ZNF385A: variants seen among roughly 807,000 people sequenced by gnomAD.
The protein encoded by ZNF385A is hematopoietic zinc finger protein.
In ZNF385A, 14 loss-of-function variants were observed where a neutral mutation model predicts 32.1. That is an observed-to-expected ratio of 0.44 (90% CI 0.29 to 0.68). The LOEUF (loss-of-function observed/expected upper bound fraction) is 0.68, where lower values mean the gene tolerates loss of function less well. ZNF385A is among the 30% of genes least tolerant of loss of function. The pLI, the probability that ZNF385A is intolerant of heterozygous loss-of-function variation, is 0.14. For missense variants in ZNF385A, 406 were observed against 478.4 expected, an observed-to-expected ratio of 0.85 and a Z score of 1.41; for synonymous variants, 197 against 202.7, an observed-to-expected ratio of 0.97 and a Z score of 0.24.
Position 54,373,973 on chromosome 12 carries a change from C to A in ZNF385A, c.361G>T (p.Val121Phe). The A allele has an allele frequency of 6.6e-7, 1 of 1,517,644 alleles. No homozygotes were observed. The highest frequency in any genetic ancestry group is 8.9e-7 in the Non-Finnish European group (1 of 1,125,788). 94.0% of individuals were successfully genotyped at this position (1,517,644 alleles called of 1,614,324 possible). A position where few individuals can be genotyped will look rare whatever the true frequency, so the allele number is the denominator to read the frequency against. Reference protein sequence around the residue: ...TNGDGVAPRPVSMENGLGPAP... With the variant: ...TNGDGVAPRPFSMENGLGPAP... ...AGAATATGCGGGGATTCAGACACAC[C>A]TGGACGGGGTGCTACACCATCCCCA... The change falls in exon 3 of 7, where the codon GTT (valine) becomes TTT (phenylalanine). Residue 121 changes from valine (V) to phenylalanine (F), a missense_variant and splice_region_variant. Transcript: ENST00000394313.
upstream of ZNF385A, among the ~76,000 whole-genome samples, chr12:54,388,033 T>G (rs1279765449): frequency 7.1e-6 from 1 of 140,344 alleles, no homozygotes; most frequent in Non-Finnish European, 1.5e-5. Flanking sequence ...GAGAGCAAAT[T>G]GAAGTGTGTG....
intron 1 of ZNF385A, among the ~76,000 whole-genome samples, chr12:54,376,919 T>G (rs890204049): frequency 3.3e-5 from 5 of 152,186 alleles, no homozygotes; most frequent in Non-Finnish European, 5.9e-5. Context: ...CAGCTGAGAC[T>G]GAAGATTGGG....
At chr12:54,390,176 T>C (rs1041718249) in intron 1 of ZNF385A, among the ~76,000 whole-genome samples, 3 of 152,082 alleles carry the variant, frequency 2.0e-5, no homozygotes, top group Admixed American at 1.3e-4. Context: ...CTAGGCCTGG[T>C]TGGGGGGCTC....
chr12:54,375,982 G>T, intron 1 of ZNF385A, 28 bp from the exon 2 acceptor site: 1 of 1,577,324 alleles, frequency 6.3e-7, no homozygotes, highest in Non-Finnish European at 8.7e-7. Context: ...GGTGAGCCGG[G>T]AACCCTAGCG....
chr12:54,383,696 A>C (rs1170870069), intron 1 of ZNF385A, among the ~76,000 whole-genome samples: 1 of 152,102 alleles, frequency 6.6e-6, no homozygotes, highest in Non-Finnish European at 1.5e-5. Context: ...GGAGTTTGAG[A>C]CCAGCCTGGC....
Position 54,371,523 on chromosome 12 carries a change from A to G in ZNF385A, c.554T>C (p.Leu185Pro), listed in dbSNP as rs958552937. The G allele has an allele frequency of 2.5e-6, 4 of 1,612,934 alleles. No homozygotes were observed. The highest frequency in any genetic ancestry group is 3.4e-6 in the Non-Finnish European group (4 of 1,179,564). The change falls in exon 4 of 7, where the codon CTG becomes CCG. Residue 185 changes from leucine (L) to proline (P), a missense_variant. Transcript: ENST00000394313. Reference sequence around the variant, plus strand: ...CAGGGAGTTCACAGCCACCTTGCACAGAGCACAGTAGAGCAGCCGCTTGGC... The same window carrying G: ...CAGGGAGTTCACAGCCACCTTGCACGGAGCACAGTAGAGCAGCCGCTTGGC... ...EKAKRLLYCA[L>P]CKVAVNSLSQ...
At position 54,371,728 on chromosome 12, in the gene ZNF385A, G is replaced by T; in HGVS notation, c.362-13C>A. 2.5e-6 allele frequency: 4 copies of T among 1,611,140 alleles called. No individual in the cohort carries two copies. The highest frequency in any genetic ancestry group is 3.4e-6 in the Non-Finnish European group (4 of 1,179,142). ...TTCTCCATGGAAACTGTTGTTGGGG[G>T]AGAAACATGGGGATCACCCTAGATG... On this transcript the variant is annotated splice_polypyrimidine_tract_variant and intron_variant, in intron 3 of 6. Coordinates refer to ENST00000394313, the MANE Select transcript of ZNF385A (RefSeq NM_015481.3).
rs1235914729 is a variant in ZNF385A, at chr12:54,371,242, C to A, written c.605-146G>T. The A allele has an allele frequency of 2.7e-6, 3 of 1,120,638 alleles. No individual in the cohort carries two copies. In the African/African-American group the frequency reaches 4.7e-5, roughly 18 times the overall value. The allele number at this position is 1,120,638 out of a possible 1,614,324, so 69.4% of individuals were successfully genotyped here. ...TCTTTCTAACTAAGCTCCTTGGGAC[C>A]CTCCCAAAGAGGTGGATCAGGAGAG... is the stretch of plus-strand genomic sequence containing the variant. On this transcript the variant is annotated intron_variant, in intron 4 of 6. Coordinates refer to ENST00000394313, the MANE Select transcript of ZNF385A (RefSeq NM_015481.3).
intron 1 of ZNF385A, chr12:54,379,029 C>A (rs1319082067): frequency 5.1e-6 from 5 of 979,306 alleles, no homozygotes; most frequent in Non-Finnish European, 6.0e-6. Flanking sequence ...GCGGCAGCCG[C>A]GGGAGTCAGG....
chr12:54,385,550 G>T (rs935132871), upstream of ZNF385A: 8 of 805,060 alleles, frequency 9.9e-6, no homozygotes, highest in African/African-American at 3.7e-5. Context: ...AGCAACAGGG[G>T]TTCCCAGGAA....
At chr12:54,389,787 A>C (rs1955588128) in intron 1 of ZNF385A, among the ~76,000 whole-genome samples, 1 of 152,108 alleles carries the variant, frequency 6.6e-6, no homozygotes, top group South Asian at 2.1e-4. Flanking sequence ...TCACTCTAGC[A>C]TCAGGGTGGT....
intron 1 of ZNF385A, among the ~76,000 whole-genome samples, chr12:54,382,035 G>A (rs920758239): frequency 6.6e-6 from 1 of 151,640 alleles, no homozygotes; most frequent in Non-Finnish European, 1.5e-5. Flanking sequence ...GCACATAGTA[G>A]GTGCTCAAAA....
At position 54,375,825 on chromosome 12, in the gene ZNF385A, G is replaced by T; in HGVS notation, c.198+19C>A. On this transcript the variant is annotated intron_variant, in intron 2 of 6. Coordinates refer to ENST00000394313, the MANE Select transcript of ZNF385A (RefSeq NM_015481.3). ...CCCCTGCCCCACCCACTGGGTAGATGAGCAGCTTGGCTTCTTACCTGAGAA... is the reference window on the plus strand; with the variant it reads ...CCCCTGCCCCACCCACTGGGTAGATTAGCAGCTTGGCTTCTTACCTGAGAA... The T allele has an allele frequency of 6.2e-7, 1 of 1,610,224 alleles. No individual in the cohort carries two copies. The highest frequency in any genetic ancestry group is 8.5e-7 in the Non-Finnish European group (1 of 1,176,576).
upstream of ZNF385A, chr12:54,385,338 C>G (rs1955421606): frequency 6.6e-6 from 1 of 152,306 alleles, no homozygotes; most frequent in African/African-American, 2.4e-5. Context: ...AAAGTCCAGG[C>G]CAGCCATTCA....
At chr12:54,385,768 C>A (rs1955452324), upstream of ZNF385A, 4 of 580,010 alleles carry the variant, frequency 6.9e-6, no homozygotes, top group Non-Finnish European at 8.7e-6. Flanking sequence ...TGGTTCTGCC[C>A]TCTGCCCCCT....
chr12:54,375,010 A>G (rs939022357), intron 2 of ZNF385A, among the ~76,000 whole-genome samples: 2 of 152,208 alleles, frequency 1.3e-5, no homozygotes, highest in Admixed American at 6.5e-5. Flanking sequence ...GATAGGCAGG[A>G]AAAGAAGATT....
At chr12:54,379,212 A>C (rs533432187) in intron 1 of ZNF385A, 11,309 of 978,798 alleles carry the variant, frequency 0.012, 76 homozygotes, top group Non-Finnish European at 0.013. Flanking sequence ...GGCGGGGAGA[A>C]GGGGAGGCGG....
upstream of ZNF385A, among the ~76,000 whole-genome samples, chr12:54,389,061 TCTTTCC>T: frequency 6.6e-6 from 1 of 152,168 alleles, no homozygotes; most frequent in Non-Finnish European, 1.5e-5. Context: ...CCCTGGGAAA[TCTTTCC>T]CCACTTGATT....
chr12:54,386,438 AAAGAT>A (rs1955486905), upstream of ZNF385A, among the ~76,000 whole-genome samples: 1 of 152,074 alleles, frequency 6.6e-6, no homozygotes, highest in African/African-American at 2.4e-5. Flanking sequence ...AGACAGCGAG[AAAGAT>A]AAAAGAGAAG....
Sources: gnomAD v4.1 joint callset for allele counts (sites outside exome capture counted in the v4.1 genomes callset) on GRCh38, gnomAD v4.1.1 for gene constraint, MANE v1.5 for transcripts, NCBI Gene and HGNC (gene_info 2026-07-23, HGNC 2026-07-21) for gene names.